CDC5L: variants seen among roughly 807,000 people sequenced by gnomAD.
The protein encoded by CDC5L is cell division cycle 5 like, also known as cell division cycle 5-like protein.
In CDC5L, 18 loss-of-function variants were observed where a neutral mutation model predicts 104.1. That is an observed-to-expected ratio of 0.17 (90% CI 0.12 to 0.26). The LOEUF is 0.26. Ranked by LOEUF, CDC5L falls within the 10% of genes least tolerant of loss-of-function variation. The probability of loss-of-function intolerance (pLI) is 1.00; values close to 1 mark genes in which losing one functional copy is unlikely to be tolerated. For synonymous variants in CDC5L, 331 were observed against 322.7 expected (o/e 1.03, Z -0.28); for missense variants, 673 against 956.9 (o/e 0.70, Z 3.91).
At chr6:44,428,782 G>T (rs1218845895) in intron 13 of CDC5L, among the ~76,000 whole-genome samples, 1 of 152,058 alleles carries the variant, frequency 6.6e-6, no homozygotes, top group Admixed American at 6.5e-5. Flanking sequence ...TCTAATTCGT[G>T]CCCCAGTCTC....
chr6:44,405,920 G>C (rs1256634800), intron 6 of CDC5L, among the ~76,000 whole-genome samples: 1 of 141,962 alleles, frequency 7.0e-6, no homozygotes, highest in Non-Finnish European at 1.5e-5. Context: ...TTTTTTTTTT[G>C]AGATGGAGTC....
At chr6:44,422,565 A>T (rs1389557669) in intron 9 of CDC5L, 82 bp from the exon 10 acceptor site, 2 of 893,472 alleles carry the variant, frequency 2.2e-6, no homozygotes, top group Non-Finnish European at 3.3e-6. Flanking sequence ...ATTTCCTGTG[A>T]AATAATTTAT....
chr6:44,438,159 G>A (rs550902412), intron 14 of CDC5L, among the ~76,000 whole-genome samples: 3 of 152,262 alleles, frequency 2.0e-5, no homozygotes, highest in African/African-American at 7.2e-5. Flanking sequence ...TATTGTCCAG[G>A]TTGGTCTCGA....
chr6:44,431,494 T>G (rs1332276354), intron 14 of CDC5L, among the ~76,000 whole-genome samples: 3 of 152,242 alleles, frequency 2.0e-5, no homozygotes, highest in Admixed American at 6.5e-5. Flanking sequence ...GGAAAGCTTC[T>G]TTGTATTATT....
rs941411271 is a variant in CDC5L at position 44,449,784 on chromosome 6, A to G, written c.*3073A>G. 3 of 151,848 alleles carry G rather than the reference A, an allele frequency of 2.0e-5. No individual in the cohort carries two copies. Among genetic ancestry groups the G allele is most frequent in the Admixed American group, 6.6e-5 (1 of 15,256 alleles). The allele number at this position is 151,848 out of a possible 1,614,324, so 9.4% of individuals were successfully genotyped here. A position where few individuals can be genotyped will look rare whatever the true frequency, so the allele number is the denominator to read the frequency against. On this transcript the variant is annotated 3_prime_UTR_variant, in exon 16 of 16. Transcript: ENST00000371477. ...AACCATGCATCCTCCCTAGAAATGC[A>G]TTTGAATTTGATTTACTAATCTTTT...
intron 8 of CDC5L, among the ~76,000 whole-genome samples, chr6:44,412,973 G>A (rs1435896452): frequency 1.4e-4 from 21 of 151,212 alleles, no homozygotes; most frequent in Non-Finnish European, 2.2e-4. Flanking sequence ...TAGTAGAGAC[G>A]GGGTTTCACC....
At position 44,400,111 on chromosome 6, in the gene CDC5L, C is replaced by T. The variant is rs550934540; in HGVS notation, c.539+3671C>T. 3.9e-5 allele frequency among the ~76,000 whole-genome samples: 6 copies of T among 152,132 alleles called. No individual in the cohort carries two copies. In the South Asian group the frequency reaches 6.2e-4, roughly 16 times the overall value. On this transcript the variant is annotated intron_variant, in intron 5 of 15. Transcript: ENST00000371477. ...TACTGATATTCTCTGTTTGATGCAA[C>T]GTTGTTATCATACCTTCCTTTACTT...
At chr6:44,404,860 T>C (rs1047005226) in intron 6 of CDC5L, among the ~76,000 whole-genome samples, 2 of 152,108 alleles carry the variant, frequency 1.3e-5, no homozygotes, top group African/African-American at 2.4e-5. Context: ...GACTGGCTAA[T>C]TTTTTATTTT....
intron 14 of CDC5L, among the ~76,000 whole-genome samples, chr6:44,433,989 G>A (rs1792806968): frequency 6.6e-6 from 1 of 152,170 alleles, no homozygotes; most frequent in Non-Finnish European, 1.5e-5. Flanking sequence ...ATGTTGCCTT[G>A]TGTAGAGGTG....
At chr6:44,398,013 C>T (rs1233976420) in intron 5 of CDC5L, among the ~76,000 whole-genome samples, 1 of 152,134 alleles carries the variant, frequency 6.6e-6, no homozygotes, top group Non-Finnish European at 1.5e-5. Flanking sequence ...CCCAGGTTGG[C>T]CTGCTGATTC....
rs1378394815 is a variant in CDC5L at position 44,447,206 on chromosome 6, A to C, written c.*495A>C. ...AGTTCTTTGTGGCTTTGTTAGTTTC[A>C]GCAAAGAGTGGTCATTTCTGTATAC... On this transcript the variant is annotated 3_prime_UTR_variant, in exon 16 of 16. Transcript: ENST00000371477. 6.6e-6 allele frequency: 1 copy of C among 152,200 alleles called. No individual in the cohort carries two copies. The highest frequency in any genetic ancestry group is 1.5e-5 in the Non-Finnish European group (1 of 68,052). 9.4% of individuals were successfully genotyped at this position (152,200 alleles called of 1,614,324 possible).
intron 9 of CDC5L, among the ~76,000 whole-genome samples, chr6:44,420,569 G>T (rs916740282): frequency 6.6e-6 from 1 of 151,826 alleles, no homozygotes; most frequent in Non-Finnish European, 1.5e-5. Context: ...TGATGGTCAG[G>T]CTGGTCTCGA....
At chr6:44,415,333 T>TG (rs1791859808) in intron 8 of CDC5L, among the ~76,000 whole-genome samples, 1 of 152,226 alleles carries the variant, frequency 6.6e-6, no homozygotes, top group South Asian at 2.1e-4. Flanking sequence ...GTTTGGGGCT[T>TG]GTAACTTTGG....
At position 44,390,306 on chromosome 6, in the gene CDC5L, A is replaced by G; in HGVS notation, c.84A>G (p.Lys28=). The G allele has an allele frequency of 6.2e-7, 1 of 1,613,742 alleles. No individual in the cohort carries two copies. Among genetic ancestry groups the G allele is most frequent in the African/African-American group, 1.3e-5 (1 of 75,032 alleles). The part of the protein sequence containing the change: ...ILKAAVMKYG[K]NQWSRIASLL... The stretch of plus-strand genomic sequence containing the variant: ...AAGCAGCGGTAATGAAATATGGGAA[A>G]AATCAGTGGTCTAGGATTGCCTCAT... The change falls in exon 2 of 16, where the codon AAA becomes AAG. Residue 28 remains lysine (K), a synonymous_variant. Coordinates refer to ENST00000371477, the MANE Select transcript of CDC5L (RefSeq NM_001253.4).
At position 44,419,482 on chromosome 6, in the gene CDC5L, G is replaced by C. The variant is rs1313131188; in HGVS notation, c.1126G>C (p.Asp376His). The stretch of plus-strand genomic sequence containing the variant: ...GAACCTCATGGCCCTCACCAATGTG[G>C]ACACCCCATTGAAAGGTGGACTTAA... ...AQNLMALTNV[D>H]TPLKGGLNTP... The change falls in exon 9 of 16, where the codon GAC becomes CAC. Residue 376 changes from aspartate (D) to histidine (H), a missense_variant. This residue lies in a region of CDC5L where 578 missense variants were observed against 737.0 expected (regional missense o/e 0.78). Transcript: ENST00000371477. The C allele has an allele frequency of 6.2e-7, 1 of 1,614,128 alleles. No individual in the cohort carries two copies. Among genetic ancestry groups the C allele is most frequent in the Non-Finnish European group, 8.5e-7 (1 of 1,179,996 alleles).
chr6:44,391,341 C>T (rs7770054), intron 2 of CDC5L, among the ~76,000 whole-genome samples: 62 of 151,972 alleles, frequency 4.1e-4, no homozygotes, highest in African/African-American at 1.4e-3. Flanking sequence ...CTTTGCCTCC[C>T]GGGTTCACGC....
chr6:44,396,273 C>A, intron 4 of CDC5L, 68 bp from the exon 5 acceptor site: 2 of 960,536 alleles, frequency 2.1e-6, no homozygotes, highest in Non-Finnish European at 3.2e-6. Flanking sequence ...GTGTCTCTTA[C>A]ATACCTTGCT....
At chr6:44,413,033 C>T (rs892801684) in intron 8 of CDC5L, among the ~76,000 whole-genome samples, 16 of 151,964 alleles carry the variant, frequency 1.1e-4, no homozygotes, top group Middle Eastern at 3.4e-3. Context: ...CCGCCCGCCT[C>T]GGCCTCCCAA....
intron 14 of CDC5L, among the ~76,000 whole-genome samples, chr6:44,443,703 C>T (rs1332455456): frequency 1.3e-5 from 2 of 151,568 alleles, no homozygotes; most frequent in African/African-American, 2.4e-5. Flanking sequence ...TTAATATTTT[C>T]TGTCTCTTTG....
Sources: gnomAD v4.1 joint callset for allele counts (sites outside exome capture counted in the v4.1 genomes callset) on GRCh38, gnomAD v4.1.1 for gene constraint, gnomAD v4.1.1 regional missense constraint, MANE v1.5 for transcripts, NCBI Gene and HGNC (gene_info 2026-07-23, HGNC 2026-07-21) for gene names.